The following PCDH11X variants were observed in gnomAD, a reference collection of about 807,000 sequenced individuals.
PCDH11X encodes protocadherin-11 X-linked.
PCDH11X carries 18 observed loss-of-function variants against 53.3 expected under a neutral mutation model. The ratio of observed to expected loss-of-function variants is 0.34; its 90% CI spans 0.23 to 0.50. PCDH11X has a LOEUF of 0.50. Among genes scored for constraint, PCDH11X ranks in the 20% least tolerant of loss-of-function variants. The probability of loss-of-function intolerance (pLI) is 0.98; values close to 1 mark genes in which losing one functional copy is unlikely to be tolerated. For missense variants in PCDH11X, 570 were observed against 1,032.4 expected, an observed-to-expected ratio of 0.55 and a Z score of 6.14; for synonymous variants, 279 against 393.3, an observed-to-expected ratio of 0.71 and a Z score of 3.44.
At chrX:92,230,463 T>C (rs1019319467) in intron 7 of PCDH11X, among the ~76,000 whole-genome samples, 6 of 70,033 alleles carry the variant, frequency 8.6e-5, no homozygotes, top group African/African-American at 2.9e-4. Context: ...ATTTATAAAA[T>C]ATATATTATA....
At chrX:92,336,370 G>A (rs1028119393) in intron 8 of PCDH11X, among the ~76,000 whole-genome samples, 4 of 111,021 alleles carry the variant, frequency 3.6e-5, no homozygotes, top group Admixed American at 2.9e-4. Flanking sequence ...GAAATAGTTA[G>A]CATTTATTAA....
At chrX:91,817,854 T>C (rs1384032348) in intron 4 of PCDH11X, among the ~76,000 whole-genome samples, 2 of 111,468 alleles carry the variant, frequency 1.8e-5, no homozygotes, top group Non-Finnish European at 3.8e-5. Flanking sequence ...TGCAAAGTAA[T>C]TTCATCATGA....
intron 5 of PCDH11X, among the ~76,000 whole-genome samples, chrX:91,872,125 C>T (rs1396559770): frequency 7.3e-5 from 8 of 110,020 alleles, no homozygotes; most frequent in African/African-American, 2.0e-4. Flanking sequence ...TAGGGTTTTG[C>T]ATCTTTTCAA....
In PCDH11X at chrX:92,582,433, T is replaced by C. The variant is rs188205287; in HGVS notation, c.3368-35831T>C. ...TTCAGAAGGTGCAAGCCCCAAGCCT[T>C]GGCAGCTTCCACGTGGTGTTGAGCC... On this transcript the variant is annotated intron_variant, in intron 10 of 10. Coordinates refer to ENST00000682573, the MANE Select transcript of PCDH11X (RefSeq NM_032968.5). Among the ~76,000 whole-genome samples the C allele has an allele frequency of 6.3e-3, 695 of 110,427 alleles. 9 individuals carry two copies. The highest frequency in any genetic ancestry group is 0.022 in the African/African-American group (655 of 30,274).
intron 9 of PCDH11X, among the ~76,000 whole-genome samples, chrX:92,415,815 CTA>C (rs202023257): frequency 0.013 from 1,414 of 111,731 alleles, 19 homozygotes; most frequent in African/African-American, 0.044. Flanking sequence ...TATGTTTTAA[CTA>C]CCAGGTGAAC....
At chrX:92,468,660 G>T in intron 10 of PCDH11X, among the ~76,000 whole-genome samples, 1 of 106,121 alleles carries the variant, frequency 9.4e-6, no homozygotes, top group South Asian at 4.2e-4. Context: ...GATAGTATAA[G>T]CATTTTCAGT....
intron 8 of PCDH11X, among the ~76,000 whole-genome samples, chrX:92,267,051 T>C (rs1377793776): frequency 8.9e-6 from 1 of 112,042 alleles, no homozygotes; most frequent in African/African-American, 3.2e-5. Context: ...GGCCTACTTA[T>C]TTTCAACTAA....
At chrX:92,598,967 T>C (rs1333403710) in intron 10 of PCDH11X, among the ~76,000 whole-genome samples, 2 of 110,089 alleles carry the variant, frequency 1.8e-5, no homozygotes, top group Non-Finnish European at 3.8e-5. Flanking sequence ...TCTCAATTAT[T>C]TGTGAGATCT....
At chrX:92,390,528 G>A (rs1409587584) in intron 9 of PCDH11X, among the ~76,000 whole-genome samples, 7 of 109,599 alleles carry the variant, frequency 6.4e-5, no homozygotes, top group Non-Finnish European at 3.8e-5. Flanking sequence ...CTCTGAAATA[G>A]CACCCAATAA....
At chrX:92,494,214 G>A (rs1053858528) in intron 10 of PCDH11X, among the ~76,000 whole-genome samples, 1 of 109,101 alleles carries the variant, frequency 9.2e-6, no homozygotes, top group Admixed American at 9.9e-5. Flanking sequence ...ACATGAAATA[G>A]TAAAGAGGTA....
intron 5 of PCDH11X, among the ~76,000 whole-genome samples, chrX:91,861,204 G>C (rs1487224828): frequency 1.8e-5 from 2 of 111,544 alleles, no homozygotes; most frequent in Non-Finnish European, 3.8e-5. Flanking sequence ...GTTCAGTTTT[G>C]GGAGGGTGTA....
intron 6 of PCDH11X, among the ~76,000 whole-genome samples, chrX:91,967,628 G>A (rs1159593680): frequency 9.1e-6 from 1 of 109,813 alleles, no homozygotes; most frequent in East Asian, 2.9e-4. Flanking sequence ...AAGGAGATAA[G>A]CAGAAATATT....
chrX:92,127,976 CAA>C (rs200508951), intron 6 of PCDH11X, among the ~76,000 whole-genome samples: 3,789 of 111,426 alleles, frequency 0.034, 166 homozygotes, highest in African/African-American at 0.12. Flanking sequence ...AAGAGTAAGC[CAA>C]AAGAGTAATT....
chrX:91,803,216 T>G (rs2147544291), intron 1 of PCDH11X, among the ~76,000 whole-genome samples: 1 of 111,671 alleles, frequency 9.0e-6, no homozygotes, highest in South Asian at 3.7e-4. Context: ...TCTGCAGATT[T>G]ATTGTGTCTG....
At chrX:91,785,304 C>T (rs1163578347) in intron 1 of PCDH11X, among the ~76,000 whole-genome samples, 1 of 107,204 alleles carries the variant, frequency 9.3e-6, no homozygotes, top group Admixed American at 1.0e-4. Context: ...TCAGCAGACC[C>T]CCTCATCCCA....
At chrX:92,412,326 C>T (rs1308888106) in intron 9 of PCDH11X, among the ~76,000 whole-genome samples, 1 of 107,723 alleles carries the variant, frequency 9.3e-6, no homozygotes, top group African/African-American at 3.4e-5. Flanking sequence ...GAAGGTGAGA[C>T]TTTGCTCTCA....
At chrX:92,269,937 G>A (rs1026508436) in intron 8 of PCDH11X, among the ~76,000 whole-genome samples, 7 of 110,395 alleles carry the variant, frequency 6.3e-5, no homozygotes, top group Non-Finnish European at 1.3e-4. Flanking sequence ...TGTTACATTT[G>A]ATATTTTAAC....
chrX:92,522,261 G>C (rs189949892), intron 10 of PCDH11X, among the ~76,000 whole-genome samples: 2 of 111,372 alleles, frequency 1.8e-5, no homozygotes, highest in Non-Finnish European at 3.8e-5. Context: ...CCATTTTATG[G>C]TTATTAATTG....
chrX:92,513,108 A>G (rs1399366204), intron 10 of PCDH11X, among the ~76,000 whole-genome samples: 1 of 110,677 alleles, frequency 9.0e-6, no homozygotes, highest in Non-Finnish European at 1.9e-5. Context: ...ATAGTTATAA[A>G]ATACACAAAT....
Sources: allele counts gnomAD v4.1 joint callset (sites outside exome capture counted in the v4.1 genomes callset), GRCh38; gene constraint gnomAD v4.1.1; transcripts MANE v1.5; gene names NCBI Gene and HGNC (gene_info 2026-07-23, HGNC 2026-07-21).